EPHA6: variants seen among roughly 807,000 people sequenced by gnomAD.
The protein encoded by EPHA6 is ephrin type-A receptor 6.
A neutral mutation model predicts 112.0 loss-of-function variants in EPHA6; 50 were observed. That is an observed-to-expected ratio of 0.45 (90% CI 0.36 to 0.56). The LOEUF (loss-of-function observed/expected upper bound fraction) is 0.56, where lower values mean the gene tolerates loss of function less well. EPHA6 is among the 20% of genes least tolerant of loss of function. The probability of loss-of-function intolerance (pLI) is 0.00; values close to 1 mark genes in which losing one functional copy is unlikely to be tolerated. For synonymous variants in EPHA6, 529 were observed against 490.7 expected, an observed-to-expected ratio of 1.08 and a Z score of -1.03; for missense variants, 1,280 against 1,417.4, an observed-to-expected ratio of 0.90 and a Z score of 1.56.
chr3:97,157,718 A>C (rs1166289589), intron 3 of EPHA6, among the ~76,000 whole-genome samples: 2 of 152,070 alleles, frequency 1.3e-5, no homozygotes, highest in African/African-American at 4.8e-5. Context: ...AAGATGAGAA[A>C]AGACCAGTGT....
intron 14 of EPHA6, among the ~76,000 whole-genome samples, chr3:97,642,779 A>G (rs372819069): frequency 6.6e-6 from 1 of 151,752 alleles, no homozygotes; most frequent in Non-Finnish European, 1.5e-5. Flanking sequence ...TCCAAGAAAT[A>G]TGGGACTATG....
intron 2 of EPHA6, among the ~76,000 whole-genome samples, chr3:96,905,365 A>G (rs2038876570): frequency 6.6e-6 from 1 of 151,920 alleles, no homozygotes; most frequent in African/African-American, 2.4e-5. Context: ...TTTTCTTATA[A>G]TTTTAATATT....
At chr3:96,821,558 C>T (rs933292397) in intron 1 of EPHA6, among the ~76,000 whole-genome samples, 1 of 151,792 alleles carries the variant, frequency 6.6e-6, no homozygotes, top group Non-Finnish European at 1.5e-5. Context: ...ATTTGCCATA[C>T]ATAAAGGTTC....
At chr3:97,019,981 C>T (rs1463876316) in intron 3 of EPHA6, among the ~76,000 whole-genome samples, 1 of 152,120 alleles carries the variant, frequency 6.6e-6, no homozygotes, top group East Asian at 1.9e-4. Context: ...CACTAAAGCA[C>T]AAGTGCTTTT....
At chr3:97,481,503 T>G in intron 9 of EPHA6, 1 of 1,080,034 alleles carries the variant, frequency 9.3e-7, no homozygotes, top group Non-Finnish European at 1.4e-6. Flanking sequence ...GTTCCGGTTC[T>G]TCCTCCGGCG....
intron 5 of EPHA6, among the ~76,000 whole-genome samples, chr3:97,378,276 G>C (rs963040213): frequency 6.6e-6 from 1 of 152,176 alleles, no homozygotes; most frequent in South Asian, 2.1e-4. Flanking sequence ...GAGGCTGTAG[G>C]TGCACAGAGT....
At chr3:97,186,576 G>A (rs188834260) in intron 3 of EPHA6, among the ~76,000 whole-genome samples, 75 of 152,138 alleles carry the variant, frequency 4.9e-4, no homozygotes, top group Non-Finnish European at 9.3e-4. Context: ...CAAACGTATC[G>A]ATTCAAAGTT....
intron 3 of EPHA6, among the ~76,000 whole-genome samples, chr3:97,225,331 C>T (rs1371296210): frequency 6.6e-6 from 1 of 152,124 alleles, no homozygotes; most frequent in East Asian, 1.9e-4. Context: ...TAGTAGAAAA[C>T]AATTATTTTA....
At chr3:96,866,438 A>G (rs1215177936) in intron 1 of EPHA6, among the ~76,000 whole-genome samples, 1 of 151,998 alleles carries the variant, frequency 6.6e-6, no homozygotes, top group Non-Finnish European at 1.5e-5. Context: ...GAATCAAGAA[A>G]TCTGCTTTAA....
At chr3:96,892,718 A>C (rs578074508) in intron 2 of EPHA6, among the ~76,000 whole-genome samples, 6 of 152,178 alleles carry the variant, frequency 3.9e-5, no homozygotes, top group Admixed American at 1.3e-4. Flanking sequence ...GAAAATTCAT[A>C]AATATTTTCT....
At chr3:97,550,302 C>G (rs2093012094) in intron 11 of EPHA6, among the ~76,000 whole-genome samples, 1 of 152,210 alleles carries the variant, frequency 6.6e-6, no homozygotes, top group African/African-American at 2.4e-5. Flanking sequence ...ATGACCCAGT[C>G]CCTCTTCCAA....
chr3:97,649,403 G>C (rs1307250803), intron 14 of EPHA6, among the ~76,000 whole-genome samples: 2 of 152,012 alleles, frequency 1.3e-5, no homozygotes, highest in East Asian at 3.9e-4. Context: ...TGAGATTTGG[G>C]TGGGGACACA....
At position 97,532,386 on chromosome 3, in the gene EPHA6, T is replaced by C. The variant is rs1226567011; in HGVS notation, c.2229T>C (p.Arg743=). ...AATTTGGAGAAGTCTGTAGTGGGCG[T>C]TTGAAGACACCAGGGAAAAGAGAGA... ...AGEFGEVCSG[R]LKTPGKREIP... is the part of the protein sequence containing the mutation. The change falls in exon 11 of 18, where the codon CGT becomes CGC. Residue 743 remains arginine, a synonymous_variant. Coordinates refer to ENST00000389672, the MANE Select transcript of EPHA6 (RefSeq NM_001080448.3). 6.2e-7 allele frequency: 1 copy of C among 1,611,904 alleles called. No individual in the cohort carries two copies. The highest frequency in any genetic ancestry group is 1.1e-5 in the South Asian group (1 of 90,884).
intron 14 of EPHA6, among the ~76,000 whole-genome samples, chr3:97,718,098 C>A (rs570846691): frequency 3.3e-5 from 5 of 152,128 alleles, no homozygotes; most frequent in Non-Finnish European, 5.9e-5. Flanking sequence ...TATATGTTCT[C>A]GGGTCAAATT....
intron 14 of EPHA6, among the ~76,000 whole-genome samples, chr3:97,718,637 C>T (rs2034361797): frequency 6.6e-6 from 1 of 152,064 alleles, no homozygotes; most frequent in African/African-American, 2.4e-5. Context: ...TGAATTTTCT[C>T]CCCTTGCAAC....
intron 3 of EPHA6, among the ~76,000 whole-genome samples, chr3:97,033,669 C>T (rs141174554): frequency 6.6e-6 from 1 of 151,952 alleles, no homozygotes; most frequent in African/African-American, 2.4e-5. Flanking sequence ...GGAATGTCAA[C>T]TCAGATTTAA....
At chr3:97,479,386 T>C in intron 9 of EPHA6, 22 bp downstream of exon 9, 7 of 1,549,634 alleles carry the variant, frequency 4.5e-6, no homozygotes, top group Non-Finnish European at 6.1e-6. Flanking sequence ...AGGGACTTTC[T>C]TTCATTATTT....
At chr3:96,935,887 G>A (rs1330254784) in intron 2 of EPHA6, among the ~76,000 whole-genome samples, 2 of 151,708 alleles carry the variant, frequency 1.3e-5, no homozygotes, top group Non-Finnish European at 2.9e-5. Flanking sequence ...TGACACGAGA[G>A]GACTCATTAG....
chr3:96,997,495 T>G (rs1418559476), intron 3 of EPHA6, among the ~76,000 whole-genome samples: 2 of 151,908 alleles, frequency 1.3e-5, no homozygotes, highest in Non-Finnish European at 2.9e-5. Context: ...TTGGCTTAAT[T>G]TCAATATTGC....
Sources: gnomAD v4.1 joint callset for allele counts (sites outside exome capture counted in the v4.1 genomes callset) on GRCh38, gnomAD v4.1.1 for gene constraint, MANE v1.5 for transcripts, NCBI Gene and HGNC (gene_info 2026-07-23, HGNC 2026-07-21) for gene names.